The following SUPT3H variants were observed in gnomAD, a reference collection of about 807,000 sequenced individuals.
The protein encoded by SUPT3H is SPT3 homolog, SAGA and STAGA complex component, also known as transcription initiation protein SPT3 homolog.
In SUPT3H, 44 loss-of-function variants were observed where a neutral mutation model predicts 44.3. That is an observed-to-expected ratio of 0.99 (90% CI 0.78 to 1.28). The LOEUF is 1.28. Ranked by LOEUF, SUPT3H falls within the 50% of genes most tolerant of loss-of-function variation. The pLI is 0.00. For missense variants in SUPT3H, 380 were observed against 387.1 expected (o/e 0.98, Z 0.15); for synonymous variants, 124 against 125.6 (o/e 0.99, Z 0.09).
At chr6:44,984,703 C>T (rs552098298) in intron 6 of SUPT3H, among the ~76,000 whole-genome samples, 6 of 152,160 alleles carry the variant, frequency 3.9e-5, no homozygotes, top group Non-Finnish European at 7.4e-5. Flanking sequence ...CAAAACTGAC[C>T]TCTTTCCTAT....
intron 6 of SUPT3H, among the ~76,000 whole-genome samples, chr6:44,967,740 T>C (rs181252190): frequency 3.9e-5 from 6 of 152,288 alleles, no homozygotes; most frequent in Admixed American, 2.6e-4. Context: ...ACACAGAGCA[T>C]AACTTTCAAA....
chr6:45,267,130 A>G (rs1045979309), intron 2 of SUPT3H, among the ~76,000 whole-genome samples: 2 of 152,156 alleles, frequency 1.3e-5, no homozygotes, highest in African/African-American at 4.8e-5. Context: ...TGAAAAACAA[A>G]CTCAAAATCC....
At position 45,007,678 on chromosome 6, in the gene SUPT3H, C is replaced by G. The variant is rs73737819; in HGVS notation, c.365-3886G>C. On this transcript the variant is annotated intron_variant, in intron 5 of 10. Coordinates refer to ENST00000371459, the MANE Select transcript of SUPT3H (RefSeq NM_003599.4). ...CTATTTTGCTGGCAGATATTACGTT[C>G]TGTCTTAGCTTCCTCTATGTTGGTG... Among the ~76,000 whole-genome samples, 590 of 151,280 alleles carry G rather than the reference C, an allele frequency of 3.9e-3. 7 individuals are homozygous for G. The highest frequency in any genetic ancestry group is 0.014 in the African/African-American group (563 of 41,270).
intron 10 of SUPT3H, among the ~76,000 whole-genome samples, chr6:44,906,777 A>G (rs979405717): frequency 4.6e-5 from 7 of 152,194 alleles, no homozygotes; most frequent in Non-Finnish European, 8.8e-5. Flanking sequence ...ACAAACAAAA[A>G]AAATTCACAA....
chr6:45,070,833 A>T (rs1794277510), intron 3 of SUPT3H, among the ~76,000 whole-genome samples: 1 of 151,980 alleles, frequency 6.6e-6, no homozygotes, highest in Non-Finnish European at 1.5e-5. Context: ...AAGTGTTACT[A>T]CCAGTGTATA....
At chr6:45,353,403 A>T (rs902060756) in intron 2 of SUPT3H, among the ~76,000 whole-genome samples, 2 of 152,102 alleles carry the variant, frequency 1.3e-5, no homozygotes, top group Non-Finnish European at 2.9e-5. Flanking sequence ...AAAACATATT[A>T]AGAAGCTATA....
chr6:44,954,028 G>A (rs957024388), intron 8 of SUPT3H, among the ~76,000 whole-genome samples: 3 of 152,090 alleles, frequency 2.0e-5, no homozygotes, highest in African/African-American at 4.8e-5. Flanking sequence ...AAGAGCCACC[G>A]CGCCTGGCCA....
intron 9 of SUPT3H, among the ~76,000 whole-genome samples, chr6:44,933,776 TGA>T (rs1235104421): frequency 6.6e-6 from 1 of 152,126 alleles, no homozygotes; most frequent in Non-Finnish European, 1.5e-5. Context: ...CTGAAGTAGC[TGA>T]GACTAAAGGC....
intron 9 of SUPT3H, among the ~76,000 whole-genome samples, chr6:44,937,224 G>A (rs1562085189): frequency 6.6e-6 from 1 of 151,952 alleles, no homozygotes; most frequent in Non-Finnish European, 1.5e-5. Flanking sequence ...AGGCGCAGTG[G>A]CTCATGCCTG....
At chr6:44,873,325 A>G (rs1463344881) in intron 10 of SUPT3H, among the ~76,000 whole-genome samples, 1 of 15,702 alleles carries the variant, frequency 6.4e-5, no homozygotes, top group Non-Finnish European at 1.4e-4. Flanking sequence ...CAATCAAACT[A>G]GAACTCAGGA....
At position 44,910,732 on chromosome 6, in the gene SUPT3H, G is replaced by A. The variant is rs372417231; in HGVS notation, c.912+21921C>T. 2.9e-4 allele frequency among the ~76,000 whole-genome samples: 44 copies of A among 150,142 alleles called. 1 individual carries two copies. The East Asian group carries it at 7.8e-3, about 27-fold the overall frequency. ...AAGGGGGCCAGGCATGGTGGCTCAC[G>A]CCTGTAACCCCAGCACTTTATGAGG... is the stretch of plus-strand genomic sequence containing the variant. On this transcript the variant is annotated intron_variant, in intron 10 of 10. Coordinates refer to ENST00000371459, the MANE Select transcript of SUPT3H (RefSeq NM_003599.4).
At chr6:44,948,759 G>A (rs1282571998) in intron 9 of SUPT3H, among the ~76,000 whole-genome samples, 1 of 152,054 alleles carries the variant, frequency 6.6e-6, no homozygotes, top group African/African-American at 2.4e-5. Flanking sequence ...TGGAGAGGAT[G>A]TGGAGAAATA....
intron 3 of SUPT3H, among the ~76,000 whole-genome samples, chr6:45,090,732 T>C (rs1409434166): frequency 1.3e-5 from 2 of 151,934 alleles, no homozygotes; most frequent in Non-Finnish European, 2.9e-5. Context: ...AAACCTGCCA[T>C]AGACAAAATA....
chr6:45,196,528 C>A (rs1816060951), intron 2 of SUPT3H, among the ~76,000 whole-genome samples: 1 of 152,016 alleles, frequency 6.6e-6, no homozygotes, highest in Admixed American at 6.6e-5. Context: ...AACTGAAAGA[C>A]TTTCATTATG....
At chr6:44,895,257 T>C (rs987029727) in intron 10 of SUPT3H, among the ~76,000 whole-genome samples, 15 of 3,508 alleles carry the variant, frequency 4.3e-3, no homozygotes, top group African/African-American at 4.8e-3. Flanking sequence ...TAGTCTTGTT[T>C]TTTTTTTTTT....
intron 6 of SUPT3H, among the ~76,000 whole-genome samples, chr6:44,964,501 G>A (rs1022230583): frequency 4.6e-5 from 7 of 152,150 alleles, no homozygotes; most frequent in Non-Finnish European, 1.0e-4. Flanking sequence ...CTAGAAATGA[G>A]AGGTAGCAAA....
At chr6:44,972,570 C>T (rs951587865) in intron 6 of SUPT3H, among the ~76,000 whole-genome samples, 9 of 152,212 alleles carry the variant, frequency 5.9e-5, no homozygotes, top group Admixed American at 1.3e-4. Context: ...CTCTACTAGG[C>T]AGTGCCCCAG....
At chr6:44,949,508 A>G (rs567209536) in intron 9 of SUPT3H, among the ~76,000 whole-genome samples, 8 of 152,220 alleles carry the variant, frequency 5.3e-5, no homozygotes, top group Middle Eastern at 3.4e-3. Flanking sequence ...CAGCTAACAA[A>G]CTGAGAGAAA....
At chr6:45,037,316 A>C (rs1158259878) in intron 3 of SUPT3H, among the ~76,000 whole-genome samples, 1 of 151,824 alleles carries the variant, frequency 6.6e-6, no homozygotes, top group Admixed American at 6.6e-5. Context: ...AAAAAAAAGA[A>C]AAGAAGAGAC....
Sources: gnomAD v4.1 joint callset for allele counts (sites outside exome capture counted in the v4.1 genomes callset) on GRCh38, gnomAD v4.1.1 for gene constraint, MANE v1.5 for transcripts, NCBI Gene and HGNC (gene_info 2026-07-23, HGNC 2026-07-21) for gene names.